CLYBL: variants seen among roughly 807,000 people sequenced by gnomAD.
CLYBL encodes citramalyl-CoA lyase.
CLYBL carries 31 observed loss-of-function variants against 38.9 expected under a neutral mutation model. That is an observed-to-expected ratio of 0.80 (90% CI 0.60 to 1.08). The LOEUF is 1.08. CLYBL is among the 50% of genes least tolerant of loss of function. CLYBL has a pLI of 0.00. For missense variants in CLYBL, 434 were observed against 411.6 expected, an observed-to-expected ratio of 1.05 and a Z score of -0.47; for synonymous variants, 171 against 158.6, an observed-to-expected ratio of 1.08 and a Z score of -0.59.
chr13:99,772,559 A>G (rs548161771), intron 1 of CLYBL, among the ~76,000 whole-genome samples: 1 of 152,224 alleles, frequency 6.6e-6, no homozygotes, highest in Non-Finnish European at 1.5e-5. Context: ...TTAGCCAGGC[A>G]TGGTGGCACA....
rs145598932 is a variant in CLYBL at position 99,880,213 on chromosome 13, G to A, written c.927+9151G>A. On this transcript the variant is annotated intron_variant, in intron 7 of 8. Coordinates refer to ENST00000339105, the MANE Select transcript of CLYBL (RefSeq NM_206808.5). ...CTCCCGAGTAGCTGGGATTACAGGCGCATGCCACTATGCCCGGCTCATTGT... is the reference window on the plus strand; with the variant it reads ...CTCCCGAGTAGCTGGGATTACAGGCACATGCCACTATGCCCGGCTCATTGT... 8.5e-4 allele frequency among the ~76,000 whole-genome samples: 129 copies of A among 151,636 alleles called. 1 individual carries two copies. The highest frequency in any genetic ancestry group is 2.2e-3 in the African/African-American group (91 of 41,362).
At chr13:99,767,343 T>G (rs1304471686) in intron 1 of CLYBL, among the ~76,000 whole-genome samples, 1 of 152,204 alleles carries the variant, frequency 6.6e-6, no homozygotes, top group Non-Finnish European at 1.5e-5. Context: ...GGGTGGGTAC[T>G]AAAGCCAGCT....
At chr13:99,744,449 C>G (rs2048815170) in intron 1 of CLYBL, among the ~76,000 whole-genome samples, 2 of 152,170 alleles carry the variant, frequency 1.3e-5, no homozygotes, top group South Asian at 2.1e-4. Context: ...CAGGGGTGAC[C>G]TAGTCAGACG....
At chr13:99,854,015 C>T (rs1383392863) in intron 2 of CLYBL, among the ~76,000 whole-genome samples, 2 of 152,188 alleles carry the variant, frequency 1.3e-5, no homozygotes, top group African/African-American at 4.8e-5. Context: ...ATAGAATTTA[C>T]TGTCGTTTTT....
intron 2 of CLYBL, among the ~76,000 whole-genome samples, chr13:99,827,914 G>A (rs1594207259): frequency 6.6e-6 from 1 of 152,178 alleles, no homozygotes; most frequent in East Asian, 1.9e-4. Context: ...CCATTGTCAT[G>A]AATCAAATCC....
chr13:99,805,945 A>T (rs1232378656), intron 2 of CLYBL, among the ~76,000 whole-genome samples: 2 of 152,174 alleles, frequency 1.3e-5, no homozygotes, highest in Non-Finnish European at 2.9e-5. Context: ...ATTTTAACAG[A>T]TGTATAGTAT....
At chr13:99,693,697 C>CA (rs1241753059) in intron 1 of CLYBL, among the ~76,000 whole-genome samples, 2 of 152,078 alleles carry the variant, frequency 1.3e-5, no homozygotes, top group Non-Finnish European at 2.9e-5. Flanking sequence ...AGGAATGACT[C>CA]ATACATCTAC....
chr13:99,885,038 G>A (rs772912665), intron 7 of CLYBL: 8 of 524,750 alleles, frequency 1.5e-5, no homozygotes, highest in South Asian at 5.7e-5. Context: ...CCAGGTCAGC[G>A]GTCACAGAGC....
chr13:99,847,670 G>A (rs535023542), intron 2 of CLYBL, among the ~76,000 whole-genome samples: 27 of 152,274 alleles, frequency 1.8e-4, no homozygotes, highest in African/African-American at 4.6e-4. Context: ...AGAAACCCAC[G>A]TACAGATACC....
chr13:99,746,108 T>A, intron 1 of CLYBL, among the ~76,000 whole-genome samples: 1 of 150,918 alleles, frequency 6.6e-6, no homozygotes, highest in East Asian at 1.9e-4. Flanking sequence ...AAAAAAAAAA[T>A]GCTCTTCCAT....
intron 1 of CLYBL, among the ~76,000 whole-genome samples, chr13:99,653,470 G>T (rs2047284796): frequency 6.6e-6 from 1 of 152,144 alleles, no homozygotes; most frequent in Non-Finnish European, 1.5e-5. Flanking sequence ...CCTGGCAGGG[G>T]TCTCTGCCTC....
intron 2 of CLYBL, among the ~76,000 whole-genome samples, chr13:99,774,984 T>C (rs779302213): frequency 3.3e-5 from 5 of 152,210 alleles, no homozygotes; most frequent in Admixed American, 1.3e-4. Flanking sequence ...ATCTGTACTG[T>C]AGGGATGACA....
chr13:99,630,091 G>GA (rs2046922457), intron 1 of CLYBL, among the ~76,000 whole-genome samples: 1 of 152,146 alleles, frequency 6.6e-6, no homozygotes, highest in Non-Finnish European at 1.5e-5. Context: ...ACCCCTGGGA[G>GA]GATGGGGGCC....
chr13:99,875,509 A>C (rs942597217), intron 7 of CLYBL, among the ~76,000 whole-genome samples: 1 of 152,218 alleles, frequency 6.6e-6, no homozygotes, highest in African/African-American at 2.4e-5. Flanking sequence ...GCTTTACAAA[A>C]GAAATATTGC....
intron 2 of CLYBL, among the ~76,000 whole-genome samples, chr13:99,784,194 T>C (rs937659776): frequency 6.6e-6 from 1 of 152,024 alleles, no homozygotes; most frequent in Admixed American, 6.6e-5. Flanking sequence ...TTCAATCAAT[T>C]CTTAGATCCC....
chr13:99,684,333 C>G (rs2047786779), intron 1 of CLYBL, among the ~76,000 whole-genome samples: 1 of 150,728 alleles, frequency 6.6e-6, no homozygotes, highest in Non-Finnish European at 1.5e-5. Context: ...GTGCGTGCCA[C>G]CACACCCAGT....
chr13:99,759,935 C>T (rs551913911), intron 1 of CLYBL, among the ~76,000 whole-genome samples: 2 of 152,246 alleles, frequency 1.3e-5, no homozygotes, highest in South Asian at 4.2e-4. Flanking sequence ...CTGTTTGAGA[C>T]CTTTTAAATG....
chr13:99,677,462 A>T (rs1594115064), intron 1 of CLYBL, among the ~76,000 whole-genome samples: 1 of 152,186 alleles, frequency 6.6e-6, no homozygotes, highest in African/African-American at 2.4e-5. Context: ...TTTTTATTAA[A>T]TATGAGTGCA....
chr13:99,897,571 GA>G (rs144219793), downstream of CLYBL, among the ~76,000 whole-genome samples: 6,695 of 152,284 alleles, frequency 0.044, 200 homozygotes, highest in African/African-American at 0.085. Context: ...ACCATTGACT[GA>G]GGAGGAATCC....
Sources: gnomAD v4.1 joint callset for allele counts (sites outside exome capture counted in the v4.1 genomes callset) on GRCh38, gnomAD v4.1.1 for gene constraint, MANE v1.5 for transcripts, NCBI Gene and HGNC (gene_info 2026-07-23, HGNC 2026-07-21) for gene names.